The following HS3ST4 variants were observed in gnomAD, a reference collection of about 807,000 sequenced individuals.
The protein encoded by HS3ST4 is heparan sulfate glucosamine 3-O-sulfotransferase 4.
HS3ST4 carries 17 observed loss-of-function variants against 29.2 expected under a neutral mutation model. The ratio of observed to expected loss-of-function variants is 0.58; its 90% CI spans 0.40 to 0.87. The LOEUF is 0.87. HS3ST4 is among the 40% of genes least tolerant of loss of function. The pLI, the probability that HS3ST4 is intolerant of heterozygous loss-of-function variation, is 0.00. For synonymous variants in HS3ST4, 314 were observed against 285.7 expected, an observed-to-expected ratio of 1.10 and a Z score of -1.00; for missense variants, 627 against 634.5, an observed-to-expected ratio of 0.99 and a Z score of 0.13.
At chr16:25,984,676 C>G (rs1454754521) in intron 1 of HS3ST4, among the ~76,000 whole-genome samples, 2 of 152,172 alleles carry the variant, frequency 1.3e-5, no homozygotes, top group Non-Finnish European at 2.9e-5. Flanking sequence ...ACTTTCTGTT[C>G]CTGGTTTATT....
intron 1 of HS3ST4, among the ~76,000 whole-genome samples, chr16:25,987,783 T>A (rs895089874): frequency 6.6e-6 from 1 of 152,168 alleles, no homozygotes; most frequent in Admixed American, 6.5e-5. Context: ...TTGATTTTTT[T>A]TTTTGAGGCG....
chr16:25,898,748 G>A (rs1281719759), intron 1 of HS3ST4, among the ~76,000 whole-genome samples: 1 of 152,206 alleles, frequency 6.6e-6, no homozygotes, highest in Non-Finnish European at 1.5e-5. Context: ...CTCTGCCTGA[G>A]GCTTGCTCTC....
At chr16:25,821,690 G>C (rs1056639378) in intron 1 of HS3ST4, among the ~76,000 whole-genome samples, 1 of 152,114 alleles carries the variant, frequency 6.6e-6, no homozygotes, top group Admixed American at 6.5e-5. Context: ...ACTTTGGGAG[G>C]ACGAGGAGGG....
intron 1 of HS3ST4, among the ~76,000 whole-genome samples, chr16:26,006,758 A>G (rs1237817634): frequency 6.6e-6 from 1 of 152,210 alleles, no homozygotes; most frequent in Non-Finnish European, 1.5e-5. Flanking sequence ...GAAGTTGCAA[A>G]TCTTGTAAGC....
chr16:25,734,641 T>C (rs936943649), intron 1 of HS3ST4, among the ~76,000 whole-genome samples: 4 of 152,172 alleles, frequency 2.6e-5, no homozygotes, highest in African/African-American at 9.7e-5. Context: ...GCCACAATCA[T>C]GCAAACAGTC....
intron 1 of HS3ST4, among the ~76,000 whole-genome samples, chr16:25,700,725 C>G (rs1303219759): frequency 6.6e-6 from 1 of 152,196 alleles, no homozygotes; most frequent in East Asian, 1.9e-4. Context: ...TGCGGTTTAA[C>G]AAGCTCCTCT....
chr16:25,719,707 G>A (rs1596552333), intron 1 of HS3ST4, among the ~76,000 whole-genome samples: 1 of 152,216 alleles, frequency 6.6e-6, no homozygotes, highest in Non-Finnish European at 1.5e-5. Flanking sequence ...GTAGCAAAAA[G>A]ACTTTTTCTT....
chr16:25,941,243 A>G (rs1458566574), intron 1 of HS3ST4, among the ~76,000 whole-genome samples: 1 of 152,018 alleles, frequency 6.6e-6, no homozygotes, highest in Non-Finnish European at 1.5e-5. Flanking sequence ...TCAGCTTACC[A>G]CAACCTTTGC....
intron 1 of HS3ST4, among the ~76,000 whole-genome samples, chr16:25,974,223 C>G (rs1317570870): frequency 1.3e-5 from 2 of 152,308 alleles, no homozygotes; most frequent in East Asian, 3.9e-4. Context: ...TATCAGCTAT[C>G]AAGCCATTTG....
intron 1 of HS3ST4, among the ~76,000 whole-genome samples, chr16:25,870,772 C>G (rs1403434548): frequency 6.6e-6 from 1 of 152,154 alleles, no homozygotes; most frequent in African/African-American, 2.4e-5. Flanking sequence ...GTAGGAAACT[C>G]TTGCAATAGT....
intron 1 of HS3ST4, among the ~76,000 whole-genome samples, chr16:26,131,045 G>A (rs1285667758): frequency 6.6e-6 from 1 of 152,200 alleles, no homozygotes; most frequent in Non-Finnish European, 1.5e-5. Flanking sequence ...AACAATGTTG[G>A]TGTCACCTGT....
At chr16:25,777,292 C>T (rs1567237734) in intron 1 of HS3ST4, among the ~76,000 whole-genome samples, 1 of 152,228 alleles carries the variant, frequency 6.6e-6, no homozygotes, top group Non-Finnish European at 1.5e-5. Context: ...ATATCCCCCA[C>T]ACCTCTATAA....
Position 26,137,596 on chromosome 16 carries a change from G to T in HS3ST4, c.*1348G>T, listed in dbSNP as rs945482907. On this transcript the variant is annotated 3_prime_UTR_variant, in exon 2 of 2. Coordinates refer to ENST00000331351, the MANE Select transcript of HS3ST4 (RefSeq NM_006040.3). Reference sequence around the variant, plus strand: ...AGTAAAACTGGAAATTTGTATGAGTGGGGGGAGTTAAATCTGTTCAGCTGT... The same window carrying T: ...AGTAAAACTGGAAATTTGTATGAGTTGGGGGAGTTAAATCTGTTCAGCTGT... 7.2e-5 allele frequency: 11 copies of T among 152,168 alleles called. No individual in the cohort carries two copies. Among genetic ancestry groups the T allele is most frequent in the Non-Finnish European group, 8.8e-5 (6 of 68,026 alleles). The allele number at this position is 152,168 out of a possible 1,614,324, so 9.4% of individuals were successfully genotyped here.
chr16:25,888,340 G>A (rs1055229485), intron 1 of HS3ST4, among the ~76,000 whole-genome samples: 1 of 152,114 alleles, frequency 6.6e-6, no homozygotes, highest in Non-Finnish European at 1.5e-5. Flanking sequence ...TGATCTAATC[G>A]GATTTTGGGT....
chr16:25,868,376 C>A (rs1355311975), intron 1 of HS3ST4, among the ~76,000 whole-genome samples: 1 of 152,148 alleles, frequency 6.6e-6, no homozygotes, highest in Non-Finnish European at 1.5e-5. Flanking sequence ...CAACCTGCTT[C>A]TCTCTCTTCC....
rs143522940 is a variant in HS3ST4, at chr16:25,980,678, C to T, written c.735-154934C>T. 3.3e-4 allele frequency among the ~76,000 whole-genome samples: 51 copies of T among 152,294 alleles called. No homozygotes were observed. In the South Asian group the frequency reaches 3.9e-3, roughly 12 times the overall value. ...ACTTGCCCATGTAGCAAAACTCCTA[C>T]TGCCTTAAAATGCACCCAGATTTGT... On this transcript the variant is annotated intron_variant, in intron 1 of 1. Transcript: ENST00000331351.
intron 1 of HS3ST4, among the ~76,000 whole-genome samples, chr16:26,107,929 G>A (rs954814854): frequency 5.3e-5 from 8 of 152,100 alleles, no homozygotes; most frequent in East Asian, 3.9e-4. Flanking sequence ...TTGCTGGAGC[G>A]AATGGTAGAT....
intron 1 of HS3ST4, among the ~76,000 whole-genome samples, chr16:26,091,593 G>A (rs1361586376): frequency 6.6e-6 from 1 of 152,084 alleles, no homozygotes; most frequent in Non-Finnish European, 1.5e-5. Flanking sequence ...GGACTTCTGG[G>A]CAAAGGGTAA....
At chr16:26,057,272 T>C (rs887864365) in intron 1 of HS3ST4, among the ~76,000 whole-genome samples, 6 of 152,196 alleles carry the variant, frequency 3.9e-5, no homozygotes, top group Admixed American at 6.5e-5. Context: ...TATCCAAGCT[T>C]ATCCAAGATT....
Sources: gnomAD v4.1 joint callset for allele counts (sites outside exome capture counted in the v4.1 genomes callset) on GRCh38, gnomAD v4.1.1 for gene constraint, MANE v1.5 for transcripts, NCBI Gene and HGNC (gene_info 2026-07-23, HGNC 2026-07-21) for gene names.